The following IL19 variants were observed in gnomAD, a reference collection of about 807,000 sequenced individuals.
IL19 encodes interleukin 19.
Under a neutral mutation model 19.5 loss-of-function variants are expected in IL19, and 15 were observed. The ratio of observed to expected loss-of-function variants is 0.77; its 90% CI spans 0.52 to 1.19. The LOEUF (loss-of-function observed/expected upper bound fraction) is 1.19. Among genes scored for constraint, IL19 ranks in the 50% most tolerant of loss-of-function variants. The probability of loss-of-function intolerance (pLI) is 0.00; values close to 1 mark genes in which losing one functional copy is unlikely to be tolerated. For missense variants in IL19, 199 were observed against 213.1 expected, an observed-to-expected ratio of 0.93 and a Z score of 0.41; for synonymous variants, 78 against 78.3, an observed-to-expected ratio of 1.00 and a Z score of 0.02.
intron 2 of IL19, among the ~76,000 whole-genome samples, chr1:206,802,764 C>T (rs1282565885): frequency 6.6e-6 from 1 of 151,972 alleles, no homozygotes; most frequent in Admixed American, 6.5e-5. Context: ...GCTCACTTGT[C>T]CTGTCTTCTT....
chr1:206,778,885 A>G (rs1675069156), intron 1 of IL19, among the ~76,000 whole-genome samples: 1 of 152,146 alleles, frequency 6.6e-6, no homozygotes, highest in Non-Finnish European at 1.5e-5. Context: ...CATTTCTCTA[A>G]TCTACTGATT....
At chr1:206,841,155 TC>T in intron 6 of IL19, 77 bp downstream of exon 6, 1 of 1,098,164 alleles carries the variant, frequency 9.1e-7, no homozygotes, top group Non-Finnish European at 1.4e-6. Context: ...CAGCCTCCTC[TC>T]CACTTAAATT....
intron 2 of IL19, among the ~76,000 whole-genome samples, chr1:206,826,430 G>C (rs1274507356): frequency 6.6e-6 from 1 of 152,160 alleles, no homozygotes; most frequent in Non-Finnish European, 1.5e-5. Context: ...TAGGGGAGAG[G>C]GCAGCTGGGT....
chr1:206,833,084 G>A (rs1676666647), intron 2 of IL19, among the ~76,000 whole-genome samples: 1 of 152,222 alleles, frequency 6.6e-6, no homozygotes, highest in South Asian at 2.1e-4. Context: ...GGGAGTCTGT[G>A]TTTGGGGATG....
intron 2 of IL19, among the ~76,000 whole-genome samples, chr1:206,826,933 C>T (rs998880642): frequency 6.6e-5 from 10 of 152,224 alleles, no homozygotes; most frequent in African/African-American, 2.4e-4. Flanking sequence ...ATGTGGCCTC[C>T]GGTCCCAGCT....
intron 2 of IL19, among the ~76,000 whole-genome samples, chr1:206,825,668 A>G (rs1485763609): frequency 6.6e-6 from 1 of 152,196 alleles, no homozygotes; most frequent in Non-Finnish European, 1.5e-5. Context: ...ACAGAAGAAT[A>G]ATGTTTCTAC....
At chr1:206,775,072 G>A (rs1674957171) in intron 1 of IL19, among the ~76,000 whole-genome samples, 1 of 150,778 alleles carries the variant, frequency 6.6e-6, no homozygotes, top group Non-Finnish European at 1.5e-5. Flanking sequence ...ACAGAGTCTC[G>A]CTCTGTTGCC....
In IL19 at chr1:206,788,312, C is replaced by T. The variant is rs114520510; in HGVS notation, c.-148-10549C>T. 8.3e-3 allele frequency among the ~76,000 whole-genome samples: 1,266 copies of T among 152,326 alleles called. 27 individuals carry two copies. The highest frequency in any genetic ancestry group is 0.029 in the African/African-American group (1,206 of 41,572). On this transcript the variant is annotated intron_variant, in intron 1 of 6. Transcript: ENST00000659997. The stretch of plus-strand genomic sequence containing the variant: ...AGGCCAATGGCAAACTACTACCTGT[C>T]TTAGTTGGTTTCCCCTATTGCTCTT...
chr1:206,772,183 G>T (rs768067866), intron 1 of IL19: 3 of 1,157,676 alleles, frequency 2.6e-6, no homozygotes, highest in South Asian at 1.2e-5. Context: ...AGGTGGAGGC[G>T]CAGGAGGAGG....
intron 1 of IL19, among the ~76,000 whole-genome samples, chr1:206,779,071 A>C (rs1279524634): frequency 6.6e-6 from 1 of 152,180 alleles, no homozygotes; most frequent in African/African-American, 2.4e-5. Context: ...TCTGTGCCAA[A>C]GGGTAGAAGG....
chr1:206,775,161 G>C (rs1445013836), intron 1 of IL19, among the ~76,000 whole-genome samples: 2 of 151,646 alleles, frequency 1.3e-5, no homozygotes, highest in Non-Finnish European at 2.9e-5. Context: ...CTGCCTCAGC[G>C]TCCCGAGTAG....
intron 1 of IL19, among the ~76,000 whole-genome samples, chr1:206,795,927 A>ATATGTGTGTGTG (rs1553439245): frequency 0.11 from 14,478 of 133,188 alleles, 853 homozygotes; most frequent in Non-Finnish European, 0.14. Context: ...AAATATATAT[A>ATATGTGTGTGTG]TGTGTGTGTG....
At chr1:206,827,520 C>T (rs1376704885) in intron 2 of IL19, among the ~76,000 whole-genome samples, 1 of 152,030 alleles carries the variant, frequency 6.6e-6, no homozygotes, top group African/African-American at 2.4e-5. Flanking sequence ...GAAACCCCGT[C>T]TCTACTAAAA....
chr1:206,817,282 T>C (rs1234911064), intron 2 of IL19, among the ~76,000 whole-genome samples: 4 of 152,180 alleles, frequency 2.6e-5, no homozygotes, highest in Non-Finnish European at 4.4e-5. Context: ...CTTCCACCAA[T>C]CACCTACTGA....
At chr1:206,833,819 G>T in intron 2 of IL19, 2 of 985,536 alleles carry the variant, frequency 2.0e-6, no homozygotes, top group Non-Finnish European at 2.4e-6. Context: ...TTTATGAGGG[G>T]AAAAAGTGTT....
At chr1:206,811,470 G>A (rs1247269363) in intron 2 of IL19, among the ~76,000 whole-genome samples, 1 of 148,220 alleles carries the variant, frequency 6.7e-6, no homozygotes, top group African/African-American at 2.5e-5. Flanking sequence ...AAAAAGTTTG[G>A]TGACCAAAAA....
At chr1:206,785,225 A>C (rs778704038) in intron 1 of IL19, among the ~76,000 whole-genome samples, 38 of 152,160 alleles carry the variant, frequency 2.5e-4, no homozygotes, top group Admixed American at 7.9e-4. Context: ...ATGCAGGTAG[A>C]CTTCAGGTAG....
chr1:206,822,494 A>T (rs1301445723), intron 2 of IL19, among the ~76,000 whole-genome samples: 2 of 152,196 alleles, frequency 1.3e-5, no homozygotes, highest in South Asian at 4.1e-4. Context: ...GTCAGTCTCC[A>T]TGGGTCTGGA....
intron 1 of IL19, chr1:206,772,428 C>T: frequency 6.2e-7 from 1 of 1,614,082 alleles, no homozygotes; most frequent in South Asian, 1.1e-5. Flanking sequence ...CAGTGCTGAG[C>T]TGTGCATGCC....
Sources: gnomAD v4.1 joint callset for allele counts (sites outside exome capture counted in the v4.1 genomes callset) on GRCh38, gnomAD v4.1.1 for gene constraint, MANE v1.5 for transcripts, NCBI Gene and HGNC (gene_info 2026-07-23, HGNC 2026-07-21) for gene names.